PAFAH1B1: variants seen among roughly 807,000 people sequenced by gnomAD.
PAFAH1B1 encodes platelet-activating factor acetylhydrolase IB subunit beta.
Under a neutral mutation model 57.5 loss-of-function variants are expected in PAFAH1B1, and 2 were observed. The observed-to-expected ratio is 0.03, with a 90% CI of 0.01 to 0.11. PAFAH1B1 has a LOEUF of 0.11. Among genes scored for constraint, PAFAH1B1 ranks in the 10% least tolerant of loss-of-function variants. The pLI is 1.00. For synonymous variants in PAFAH1B1, 152 were observed against 169.6 expected, an observed-to-expected ratio of 0.90 and a Z score of 0.81; for missense variants, 257 against 512.0, an observed-to-expected ratio of 0.50 and a Z score of 4.81.
At chr17:2,657,763 C>T (rs1320367407) in intron 2 of PAFAH1B1, among the ~76,000 whole-genome samples, 1 of 152,086 alleles carries the variant, frequency 6.6e-6, no homozygotes, top group Non-Finnish European at 1.5e-5. Flanking sequence ...TTATTTTGCT[C>T]CTCAGATAGG....
intron 1 of PAFAH1B1, among the ~76,000 whole-genome samples, chr17:2,612,522 A>G (rs117151982): frequency 0.014 from 2,110 of 150,324 alleles, 142 homozygotes; most frequent in Admixed American, 0.12. Context: ...CTTCCCGACA[A>G]TCTTGTGAAA....
At position 2,680,334 on chromosome 17, in the gene PAFAH1B1, G is replaced by T; in HGVS notation, c.1159+14G>T. On this transcript the variant is annotated intron_variant, in intron 10 of 10. Transcript: ENST00000397195. ...TTACCTCCTTGGGTATGTACGCCTC[G>T]CGAGGTCTCTGAACATTAGATTTTG... 1 of 1,612,266 alleles carries T rather than the reference G, an allele frequency of 6.2e-7. No homozygotes were observed. The highest frequency in any genetic ancestry group is 1.1e-5 in the South Asian group (1 of 91,028).
intron 2 of PAFAH1B1, among the ~76,000 whole-genome samples, chr17:2,662,920 C>G (rs555138141): frequency 2.0e-5 from 3 of 152,094 alleles, no homozygotes; most frequent in South Asian, 2.1e-4. Context: ...AGAAGACCAG[C>G]CTGACCAACA....
In PAFAH1B1 at chr17:2,671,568, C is replaced by CTT. The variant is rs149639801; in HGVS notation, c.569-1087_569-1086insTT. 5.0e-3 allele frequency among the ~76,000 whole-genome samples: 517 copies of CTT among 102,464 alleles called. 9 individuals carry two copies. Among genetic ancestry groups the CTT allele is most frequent in the African/African-American group, 0.017 (466 of 28,146 alleles). The allele number at this position is 102,464 out of a possible 152,430, so 67.2% of individuals were successfully genotyped here. Reference sequence around the variant, plus strand: ...ACTTTAAAAAGAGTTCTTTCTAATGCATTTTTTTTTTTTACCCCCAACACC... The same window carrying CTT: ...ACTTTAAAAAGAGTTCTTTCTAATGCTTATTTTTTTTTTTTACCCCCAACACC... On this transcript the variant is annotated intron_variant, in intron 6 of 10. Transcript: ENST00000397195.
chr17:2,661,177 A>C (rs975658789), intron 2 of PAFAH1B1, among the ~76,000 whole-genome samples: 2 of 152,026 alleles, frequency 1.3e-5, no homozygotes, highest in African/African-American at 4.8e-5. Flanking sequence ...GTTTAATTAG[A>C]TCCCACTTGT....
intron 1 of PAFAH1B1, among the ~76,000 whole-genome samples, chr17:2,626,567 C>CG (rs1326311967): frequency 2.8e-5 from 2 of 71,890 alleles, no homozygotes; most frequent in African/African-American, 8.9e-5. Context: ...CCCCCCCCCC[C>CG]CCCCGAGGCG....
intron 2 of PAFAH1B1, among the ~76,000 whole-genome samples, chr17:2,646,656 AAAAT>A (rs563610924): frequency 6.6e-4 from 100 of 152,244 alleles, no homozygotes; most frequent in African/African-American, 2.2e-3. Flanking sequence ...AAAAAATAAT[AAAAT>A]AAATAAATAA....
At chr17:2,598,324 A>G (rs2068106490) in intron 1 of PAFAH1B1, among the ~76,000 whole-genome samples, 1 of 152,144 alleles carries the variant, frequency 6.6e-6, no homozygotes, top group Non-Finnish European at 1.5e-5. Context: ...GGGCAGAGTG[A>G]ATTTTCAATA....
In PAFAH1B1 at chr17:2,638,102, G is replaced by T; in HGVS notation, c.-187G>T. ...TTTTTCTTCTCTTTCTCCTTAGGTG[G>T]AATGAATCTTACTTGTTGAATATCT... On this transcript the variant is annotated 5_prime_UTR_variant, in exon 2 of 11. Transcript: ENST00000397195. The T allele has an allele frequency of 3.8e-6, 2 of 521,736 alleles. No individual in the cohort carries two copies. Among genetic ancestry groups the T allele is most frequent in the South Asian group, 3.5e-5 (1 of 28,846 alleles). 32.3% of individuals were successfully genotyped at this position (521,736 alleles called of 1,614,324 possible). A position where few individuals can be genotyped will look rare whatever the true frequency, so the allele number is the denominator to read the frequency against.
At chr17:2,612,577 G>A (rs1384206526) in intron 1 of PAFAH1B1, among the ~76,000 whole-genome samples, 3 of 151,888 alleles carry the variant, frequency 2.0e-5, no homozygotes, top group Non-Finnish European at 2.9e-5. Flanking sequence ...ATTTCTAGAT[G>A]TAAGAGGGTT....
intron 2 of PAFAH1B1, among the ~76,000 whole-genome samples, chr17:2,648,225 G>A (rs1409403638): frequency 2.6e-5 from 4 of 152,028 alleles, no homozygotes; most frequent in African/African-American, 9.7e-5. Context: ...AACAGCATGG[G>A]GGAACCACCA....
At chr17:2,606,981 C>G (rs1489097975) in intron 1 of PAFAH1B1, among the ~76,000 whole-genome samples, 1 of 150,372 alleles carries the variant, frequency 6.7e-6, no homozygotes, top group Non-Finnish European at 1.5e-5. Context: ...CCCGCCACCA[C>G]GCCTGGCTAA....
chr17:2,614,805 G>T (rs1411574318), intron 1 of PAFAH1B1, among the ~76,000 whole-genome samples: 1 of 151,774 alleles, frequency 6.6e-6, no homozygotes, highest in African/African-American at 2.4e-5. Context: ...CCAGGCCGGT[G>T]TTAAACTTCT....
At chr17:2,667,484 G>T in intron 5 of PAFAH1B1, 1 of 357,284 alleles carries the variant, frequency 2.8e-6, no homozygotes, top group South Asian at 2.5e-5. Flanking sequence ...TGTGGCTCCT[G>T]AGAGGCATGC....
intron 1 of PAFAH1B1, chr17:2,613,475 A>G: frequency 4.1e-6 from 1 of 243,118 alleles, no homozygotes; most frequent in South Asian, 1.2e-4. Context: ...CTGCAGCGGC[A>G]GAGCCATGGG....
intron 1 of PAFAH1B1, among the ~76,000 whole-genome samples, chr17:2,635,151 C>T (rs1280119238): frequency 8.1e-5 from 12 of 148,188 alleles, no homozygotes; most frequent in African/African-American, 2.7e-4. Context: ...AAGAGTGAAA[C>T]TCTGTCTCAA....
intron 1 of PAFAH1B1, among the ~76,000 whole-genome samples, 153 bp from the exon 2 acceptor site, chr17:2,637,946 A>G (rs2068644568): frequency 6.6e-6 from 1 of 152,208 alleles, no homozygotes; most frequent in Non-Finnish European, 1.5e-5. Context: ...GGTTTTTGAC[A>G]TTAGTTGACT....
At position 2,682,766 on chromosome 17, in the gene PAFAH1B1, A is replaced by G. The variant is rs2069403002; in HGVS notation, c.*964A>G. 1 of 152,770 alleles carries G rather than the reference A, an allele frequency of 6.5e-6. No homozygotes were observed. Among genetic ancestry groups the G allele is most frequent in the East Asian group, 1.9e-4 (1 of 5,204 alleles). The allele number at this position is 152,770 out of a possible 1,614,324, so 9.5% of individuals were successfully genotyped here. On this transcript the variant is annotated 3_prime_UTR_variant, in exon 11 of 11. Coordinates refer to ENST00000397195, the MANE Select transcript of PAFAH1B1 (RefSeq NM_000430.4). ...GTGCCCATTTGAAAGGAGTGGGAGGAATACAGCAGTTTGTTTTTCAACATG... is the reference window on the plus strand; with the variant it reads ...GTGCCCATTTGAAAGGAGTGGGAGGGATACAGCAGTTTGTTTTTCAACATG...
chr17:2,630,857 G>A (rs941397146), intron 1 of PAFAH1B1, among the ~76,000 whole-genome samples: 4 of 152,112 alleles, frequency 2.6e-5, no homozygotes, highest in African/African-American at 4.8e-5. Flanking sequence ...CTTCAAGCTG[G>A]TAATTGAAAA....
Sources: allele counts gnomAD v4.1 joint callset (sites outside exome capture counted in the v4.1 genomes callset), GRCh38; gene constraint gnomAD v4.1.1; transcripts MANE v1.5; gene names NCBI Gene and HGNC (gene_info 2026-07-23, HGNC 2026-07-21).